ATM: variants seen among roughly 807,000 people sequenced by gnomAD.
The protein encoded by ATM is serine-protein kinase ATM.
A neutral mutation model predicts 387.0 loss-of-function variants in ATM; 308 were observed. The ratio of observed to expected loss-of-function variants is 0.80; its 90% CI spans 0.73 to 0.87. ATM has a LOEUF of 0.87. Ranked by LOEUF, ATM falls within the 40% of genes least tolerant of loss-of-function variation. ATM has a pLI of 0.00. For missense variants in ATM, 3,312 were observed against 3,560.9 expected, an observed-to-expected ratio of 0.93 and a Z score of 1.78; for synonymous variants, 1,156 against 1,187.3, an observed-to-expected ratio of 0.97 and a Z score of 0.54.
intron 61 of ATM, among the ~76,000 whole-genome samples, chr11:108,362,807 G>C (rs1164658510): frequency 8.3e-6 from 1 of 120,666 alleles, no homozygotes; most frequent in African/African-American, 3.1e-5. Flanking sequence ...GGTGGGGTGG[G>C]GGGCGGGGGG....
At chr11:108,318,898 G>A (rs1389266870) in intron 43 of ATM, among the ~76,000 whole-genome samples, 10 of 151,698 alleles carry the variant, frequency 6.6e-5, no homozygotes, top group Admixed American at 2.6e-4. Flanking sequence ...ATTATTGGCC[G>A]AGCGCGGTGG....
intron 56 of ATM, among the ~76,000 whole-genome samples, chr11:108,338,502 A>C (rs1171766161): frequency 6.6e-6 from 1 of 152,190 alleles, no homozygotes; most frequent in Non-Finnish European, 1.5e-5. Context: ...AAAAAATTAA[A>C]AATTTAGCCA....
intron 16 of ATM, among the ~76,000 whole-genome samples, chr11:108,264,181 A>G (rs2081077198): frequency 6.6e-6 from 1 of 152,030 alleles, no homozygotes; most frequent in Non-Finnish European, 1.5e-5. Flanking sequence ...ACAACCAAAA[A>G]AGAGAATGTT....
rs1159658224 is a variant in ATM, at chr11:108,282,864, T to G, written c.3731T>G (p.Ile1244Ser). The G allele has an allele frequency of 1.3e-6, 2 of 1,499,468 alleles. No individual in the cohort carries two copies. The highest frequency in any genetic ancestry group is 1.9e-6 in the Non-Finnish European group (2 of 1,079,820). The allele number at this position is 1,499,468 out of a possible 1,614,324, so 92.9% of individuals were successfully genotyped here. Reference protein sequence around the residue: ...FPFILLNYTNIEDFYRSCYKV... With the variant: ...FPFILLNYTNSEDFYRSCYKV... Reference sequence around the variant, plus strand: ...TTTATTTTATTAAACTACACAAATATTGAGGATTTCTATAGGTAAGTTTAT... The same window carrying G: ...TTTATTTTATTAAACTACACAAATAGTGAGGATTTCTATAGGTAAGTTTAT... The change falls in exon 25 of 63, where the codon ATT becomes AGT. Residue 1244 changes from isoleucine (I) to serine (S), a missense_variant. Coordinates refer to ENST00000675843, the MANE Select transcript of ATM (RefSeq NM_000051.4).
Position 108,267,160 on chromosome 11 carries a change from C to G in ATM, c.2467-11C>G, listed in dbSNP as rs1267435091. The stretch of plus-strand genomic sequence containing the variant: ...AGCCATCTTGAACATCTTTGTTTCT[C>G]TTCCTTGAAGGCATCCTTCATCAAA... On this transcript the variant is annotated splice_polypyrimidine_tract_variant and intron_variant, in intron 16 of 62. Transcript: ENST00000675843. 1.9e-6 allele frequency: 3 copies of G among 1,613,426 alleles called. No individual in the cohort carries two copies. Among genetic ancestry groups the G allele is most frequent in the South Asian group, 1.1e-5 (1 of 91,010 alleles).
intron 32 of ATM, chr11:108,295,355 C>T (rs1231961337): frequency 4.0e-5 from 14 of 348,678 alleles, no homozygotes; most frequent in Non-Finnish European, 5.4e-6. Context: ...TTTTAAGAGT[C>T]TCACTCTGTC....
intron 27 of ATM, among the ~76,000 whole-genome samples, chr11:108,288,392 T>A (rs899924264): frequency 6.6e-6 from 1 of 152,114 alleles, no homozygotes; most frequent in Non-Finnish European, 1.5e-5. Context: ...TTCTTTATTG[T>A]GCGTTATTAT....
intron 45 of ATM, among the ~76,000 whole-genome samples, chr11:108,325,089 CCT>C (rs1453542129): frequency 2.0e-5 from 3 of 152,038 alleles, no homozygotes; most frequent in Non-Finnish European, 4.4e-5. Context: ...TCATCTGTGA[CCT>C]CTCTGCTAAT....
chr11:108,256,669 C>A lies in ATM; in HGVS notation c.2250+329C>A, dbSNP rs181049353. 3.9e-3 allele frequency among the ~76,000 whole-genome samples: 594 copies of A among 152,200 alleles called. 8 individuals are homozygous for A. The highest frequency in any genetic ancestry group is 0.013 in the African/African-American group (520 of 41,504). ...TCTCCTAATGTTATCCCTCCCCTAG[C>A]CCCCGACCCCCTGTCAGGCCCTGGT... On this transcript the variant is annotated intron_variant, in intron 14 of 62. Transcript: ENST00000675843.
At chr11:108,350,012 A>C (rs979213579) in intron 59 of ATM, among the ~76,000 whole-genome samples, 2 of 152,194 alleles carry the variant, frequency 1.3e-5, no homozygotes, top group Admixed American at 1.3e-4. Flanking sequence ...AATAGAAAGC[A>C]TGCTCATTTG....
intron 6 of ATM, among the ~76,000 whole-genome samples, chr11:108,244,404 G>A (rs558512778): frequency 1.7e-4 from 26 of 152,096 alleles, no homozygotes; most frequent in Non-Finnish European, 2.9e-4. Flanking sequence ...TTTTGAGGAT[G>A]GTTTTAATAT....
At chr11:108,232,396 CAT>C (rs993647778) in intron 4 of ATM, among the ~76,000 whole-genome samples, 4 of 151,988 alleles carry the variant, frequency 2.6e-5, no homozygotes, top group Non-Finnish European at 5.9e-5. Context: ...GGAAATTTAA[CAT>C]ATGTCTAAAC....
chr11:108,345,130 C>A (rs2088160302), intron 57 of ATM, among the ~76,000 whole-genome samples: 1 of 152,052 alleles, frequency 6.6e-6, no homozygotes, highest in Non-Finnish European at 1.5e-5. Context: ...TAAAGTTTGC[C>A]AGAGATGAAG....
At chr11:108,260,705 T>C (rs2080814170) in intron 16 of ATM, among the ~76,000 whole-genome samples, 2 of 152,218 alleles carry the variant, frequency 1.3e-5, no homozygotes, top group South Asian at 4.2e-4. Context: ...AGACGGGTGA[T>C]TTCTGCATTT....
Position 108,330,253 on chromosome 11 carries a change from A to C in ATM, c.7347A>C (p.Glu2449Asp). The C allele has an allele frequency of 6.2e-7, 1 of 1,614,204 alleles. No homozygotes were observed. The highest frequency in any genetic ancestry group is 2.2e-5 in the East Asian group (1 of 44,872). The change falls in exon 50 of 63, where the codon GAA becomes GAC. Residue 2449 changes from glutamate (E) to aspartate (D), a missense_variant. Glu to Asp is a conservative substitution (Grantham distance 45). This residue lies in a region of ATM where 1,405 missense variants were observed against 1,604.4 expected (regional missense o/e 0.88). Transcript: ENST00000675843. ...VKVQRELELD[E>D]LALRALKEDR... is the part of the protein sequence containing the mutation. ...TTCAGCGAGAGCTGGAGTTGGATGA[A>C]TTAGCCCTGCGTGCACTGAAAGAGG...
intron 26 of ATM, chr11:108,287,378 G>A (rs560631026): frequency 3.8e-5 from 14 of 364,546 alleles, no homozygotes; most frequent in East Asian, 3.8e-4. Context: ...AGGGGGCCTT[G>A]TTTGGCTGAT....
chr11:108,249,711 A>G (rs934565132), intron 9 of ATM, among the ~76,000 whole-genome samples: 2 of 152,206 alleles, frequency 1.3e-5, no homozygotes, highest in Non-Finnish European at 2.9e-5. Context: ...CAACTTCTGT[A>G]GGGACAGAGA....
intron 47 of ATM, 22 bp from the exon 48 acceptor site, chr11:108,327,623 A>G (rs563161091): frequency 1.3e-6 from 2 of 1,581,334 alleles, no homozygotes; most frequent in Admixed American, 1.7e-5. Flanking sequence ...TTATATTTTA[A>G]GATTTTGCCT....
chr11:108,266,677 A>G (rs1255357639), intron 16 of ATM, among the ~76,000 whole-genome samples: 1 of 152,062 alleles, frequency 6.6e-6, no homozygotes, highest in Admixed American at 6.6e-5. Flanking sequence ...TTATTTTGTT[A>G]TGTAGACATA....
Sources: gnomAD v4.1 joint callset for allele counts (sites outside exome capture counted in the v4.1 genomes callset) on GRCh38, gnomAD v4.1.1 for gene constraint, gnomAD v4.1.1 regional missense constraint, MANE v1.5 for transcripts, NCBI Gene and HGNC (gene_info 2026-07-23, HGNC 2026-07-21) for gene names.